The following CDH4 variants were observed in gnomAD, a reference collection of about 807,000 sequenced individuals.
CDH4 encodes cadherin-4.
Under a neutral mutation model 86.0 loss-of-function variants are expected in CDH4, and 33 were observed. The ratio of observed to expected loss-of-function variants is 0.38; its 90% confidence interval spans 0.29 to 0.51. The LOEUF (loss-of-function observed/expected upper bound fraction) is 0.51. Among genes scored for constraint, CDH4 ranks in the 20% least tolerant of loss-of-function variants. The pLI is 0.86. For synonymous variants in CDH4, 555 were observed against 549.4 expected (o/e 1.01, Z -0.14); for missense variants, 1,114 against 1,307.4 (o/e 0.85, Z 2.28).
chr20:61,727,190 T>A (rs2145920960), intron 2 of CDH4, among the ~76,000 whole-genome samples: 1 of 151,792 alleles, frequency 6.6e-6, no homozygotes, highest in South Asian at 2.1e-4. Flanking sequence ...ATCATCACCA[T>A]CAGAGTCATC....
chr20:61,471,326 T>C lies in CDH4; in HGVS notation c.169+216389T>C, dbSNP rs567587494. 3.3e-5 allele frequency among the ~76,000 whole-genome samples: 5 copies of C among 152,234 alleles called. No homozygotes were observed. The East Asian group carries it at 9.6e-4, about 29-fold the overall frequency. On this transcript the variant is annotated intron_variant, in intron 2 of 15. Coordinates refer to ENST00000614565, the MANE Select transcript of CDH4 (RefSeq NM_001794.5). ...CTTATTGTCATACAGTTGCTCATAG[T>C]AGCCACTAATGATCCTTTGCGTTTC...
chr20:61,262,060 CT>C (rs748095893), intron 2 of CDH4, among the ~76,000 whole-genome samples: 1 of 152,212 alleles, frequency 6.6e-6, no homozygotes, highest in Non-Finnish European at 1.5e-5. Flanking sequence ...CCTGGAAGCC[CT>C]GAGCACGTTC....
At chr20:61,836,525 G>A (rs539543869) in intron 4 of CDH4, among the ~76,000 whole-genome samples, 15 of 152,268 alleles carry the variant, frequency 9.9e-5, no homozygotes, top group Middle Eastern at 3.4e-3. Flanking sequence ...TTCACATCCC[G>A]GGCTTTTCTG....
intron 4 of CDH4, among the ~76,000 whole-genome samples, chr20:61,830,681 T>C (rs532872930): frequency 7.6e-4 from 115 of 152,222 alleles, no homozygotes; most frequent in Non-Finnish European, 1.0e-3. Flanking sequence ...TCCTCACCCA[T>C]TAAGTTCTTC....
In CDH4 at chr20:61,681,854, T is replaced by C. The variant is rs1262717349; in HGVS notation, c.170-61709T>C. Among the ~76,000 whole-genome samples, 5 of 152,138 alleles carry C rather than the reference T, an allele frequency of 3.3e-5. No individual in the cohort carries two copies. The highest frequency in any genetic ancestry group is 1.2e-4 in the African/African-American group (5 of 41,414). Reference sequence around the variant, plus strand: ...CCCCACATTTGTCTTTGAGGGTGTGTGGTGTATACGGGAGCAAGCAGGTTC... The same window carrying C: ...CCCCACATTTGTCTTTGAGGGTGTGCGGTGTATACGGGAGCAAGCAGGTTC... On this transcript the variant is annotated intron_variant, in intron 2 of 15. Coordinates refer to ENST00000614565, the MANE Select transcript of CDH4 (RefSeq NM_001794.5). This position sits in a 1 kb window ranked among gnomAD's most constrained non-coding sequence, Gnocchi z 4.5.
rs578113433 is a variant in CDH4, at chr20:61,430,670, G to A, written c.169+175733G>A. The stretch of plus-strand genomic sequence containing the variant: ...CAGCCTCGCCGGTGACAGATCAGTC[G>A]CCAGTCCTGCTTCCCTCCTTATTAC... On this transcript the variant is annotated intron_variant, in intron 2 of 15. Transcript: ENST00000614565. Among the ~76,000 whole-genome samples the A allele has an allele frequency of 1.5e-3, 223 of 152,308 alleles. 1 individual carries two copies. Among genetic ancestry groups the A allele is most frequent in the African/African-American group, 4.6e-3 (191 of 41,566 alleles).
At chr20:61,513,049 C>T (rs750019148) in intron 2 of CDH4, among the ~76,000 whole-genome samples, 2 of 152,166 alleles carry the variant, frequency 1.3e-5, no homozygotes, top group South Asian at 2.1e-4. Flanking sequence ...TGAAGGAGGC[C>T]GTGCTGTCAA....
At chr20:61,669,266 T>C (rs1478736065) in intron 2 of CDH4, among the ~76,000 whole-genome samples, 2 of 152,260 alleles carry the variant, frequency 1.3e-5, no homozygotes, top group Non-Finnish European at 2.9e-5. Context: ...CCGTGGAGGA[T>C]GCAGCACCGG....
intron 4 of CDH4, among the ~76,000 whole-genome samples, chr20:61,816,133 G>A (rs997820083): frequency 6.6e-6 from 1 of 152,188 alleles, no homozygotes; most frequent in Non-Finnish European, 1.5e-5. Flanking sequence ...CCTGGAGTCT[G>A]TCCCGTGGCA....
intron 2 of CDH4, among the ~76,000 whole-genome samples, chr20:61,457,004 G>A (rs1188588984): frequency 1.3e-5 from 2 of 152,164 alleles, no homozygotes; most frequent in African/African-American, 4.8e-5. Context: ...TTACTGAGTG[G>A]CAAAAGGGGC....
intron 2 of CDH4, among the ~76,000 whole-genome samples, chr20:61,481,815 C>T (rs2085569998): frequency 6.6e-6 from 1 of 152,224 alleles, no homozygotes. Context: ...TTCCAGGAAC[C>T]AAACTGCCTC....
At chr20:61,804,373 C>T (rs1430623919) in intron 4 of CDH4, among the ~76,000 whole-genome samples, 2 of 152,222 alleles carry the variant, frequency 1.3e-5, no homozygotes, top group African/African-American at 4.8e-5. Flanking sequence ...CCTGCACAGC[C>T]ACTGTCCATG....
intron 2 of CDH4, among the ~76,000 whole-genome samples, chr20:61,682,311 T>TGGAAGGATGGAG (rs200992859): frequency 0.046 from 6,754 of 146,930 alleles, 285 homozygotes; most frequent in African/African-American, 0.1. Context: ...AAGGGACAGA[T>TGGAAGGATGGAG]GGAAGGAGAG....
rs1466646817 is a variant in CDH4, at chr20:61,663,453, TG to T, written c.170-80107del. Among the ~76,000 whole-genome samples, 4 of 152,290 alleles carry T rather than the reference TG, an allele frequency of 2.6e-5. No individual in the cohort carries two copies. Among genetic ancestry groups the T allele is most frequent in the South Asian group, 4.1e-4 (2 of 4,826 alleles). ...TAAAAGACAATAATTCTGAAGGCTCTGGGTCGGGGGCATTTCAGGCGAGGGT... is the reference window on the plus strand; with the variant it reads ...TAAAAGACAATAATTCTGAAGGCTCTGGTCGGGGGCATTTCAGGCGAGGGT... On this transcript the variant is annotated intron_variant, in intron 2 of 15. Coordinates refer to ENST00000614565, the MANE Select transcript of CDH4 (RefSeq NM_001794.5). The surrounding 1 kb of genome is among the most constrained non-coding windows in gnomAD (Gnocchi z 5.0).
intron 2 of CDH4, among the ~76,000 whole-genome samples, chr20:61,360,932 G>T (rs991025292): frequency 1.4e-4 from 21 of 152,196 alleles, no homozygotes; most frequent in African/African-American, 5.1e-4. Flanking sequence ...GCAAACAAAA[G>T]GAACAGCATG....
chr20:61,861,669 G>A lies in CDH4; in HGVS notation c.877+8771G>A, dbSNP rs140764864. ...TGAGAGCTCAAGGCGTCGGGCCGAG[G>A]CCTGTGTGGTGGTCACCCCGCTTCT... On this transcript the variant is annotated intron_variant, in intron 6 of 15. Coordinates refer to ENST00000614565, the MANE Select transcript of CDH4 (RefSeq NM_001794.5). Among the ~76,000 whole-genome samples the A allele has an allele frequency of 2.2e-3, 338 of 152,018 alleles. 3 individuals are homozygous for A. The highest frequency in any genetic ancestry group is 7.9e-3 in the African/African-American group (328 of 41,510).
chr20:61,565,080 G>GTGGTGGTGGTGCTCT (rs2086256096), intron 2 of CDH4, among the ~76,000 whole-genome samples: 1 of 125,676 alleles, frequency 8.0e-6, no homozygotes, highest in African/African-American at 3.4e-5. Context: ...GGTGGTGGTG[G>GTGGTGGTGGTGCTCT]TGGTGGTGCT....
chr20:61,909,763 G>T lies in CDH4; in HGVS notation c.1189-659G>T, dbSNP rs1014019880. 2.0e-5 allele frequency among the ~76,000 whole-genome samples: 3 copies of T among 152,332 alleles called. No homozygotes were observed. The East Asian group carries it at 5.8e-4, about 29-fold the overall frequency. ...AATCCAGAAAAATCTCCCCAGCTCA[G>T]AATTCTTACCTCCAGCACCTTTTCT... On this transcript the variant is annotated intron_variant, in intron 8 of 15. Coordinates refer to ENST00000614565, the MANE Select transcript of CDH4 (RefSeq NM_001794.5).
At chr20:61,523,440 C>T (rs1042268764) in intron 2 of CDH4, among the ~76,000 whole-genome samples, 6 of 152,276 alleles carry the variant, frequency 3.9e-5, no homozygotes, top group Admixed American at 3.9e-4. Context: ...CAGCACAACA[C>T]AGAGAAGGCA....
Sources: gnomAD v4.1 joint callset for allele counts (sites outside exome capture counted in the v4.1 genomes callset) on GRCh38, gnomAD v4.1.1 for gene constraint, Gnocchi (gnomAD v3.1) non-coding constraint, MANE v1.5 for transcripts, NCBI Gene and HGNC (gene_info 2026-07-23, HGNC 2026-07-21) for gene names.